Variants in NFIL3 observed in about 807,000 individuals in gnomAD.
The protein encoded by NFIL3 is nuclear factor, interleukin 3 regulated.
A neutral mutation model predicts 10.0 loss-of-function variants in NFIL3; 5 were observed. The observed-to-expected ratio is 0.50, with a 90% confidence interval of 0.26 to 1.06. The LOEUF is 1.06. Among genes scored for constraint, NFIL3 ranks in the 50% least tolerant of loss-of-function variants. The probability of loss-of-function intolerance (pLI) is 0.13; values close to 1 mark genes in which losing one functional copy is unlikely to be tolerated. For missense variants in NFIL3, 436 were observed against 547.6 expected, an observed-to-expected ratio of 0.80 and a Z score of 2.03; for synonymous variants, 202 against 206.5, an observed-to-expected ratio of 0.98 and a Z score of 0.19.
chr9:91,421,865 C>T (rs1239945470), intron 1 of NFIL3, among the ~76,000 whole-genome samples: 1 of 152,192 alleles, frequency 6.6e-6, no homozygotes, highest in Non-Finnish European at 1.5e-5. Flanking sequence ...ATATACATCC[C>T]ATCATATACA....
the NFIL3 span, among the ~76,000 whole-genome samples, chr9:91,466,673 T>C: frequency 1.3e-5 from 2 of 152,188 alleles, no homozygotes; most frequent in African/African-American, 4.8e-5. Flanking sequence ...AAAGGGTTAA[T>C]GCACTTTTGG....
At chr9:91,460,268 G>GTTTTTTTTTT in the NFIL3 span, among the ~76,000 whole-genome samples, 9 of 77,084 alleles carry the variant, frequency 1.2e-4, no homozygotes, top group African/African-American at 9.4e-4. Flanking sequence ...GGAGGGCTTG[G>GTTTTTTTTTT]TTCTTTTTTT....
At chr9:91,471,916 C>T in the NFIL3 span, among the ~76,000 whole-genome samples, 1 of 152,206 alleles carries the variant, frequency 6.6e-6, no homozygotes, top group Non-Finnish European at 1.5e-5. Flanking sequence ...CAAAATCTCT[C>T]AGCATTTGCT....
chr9:91,418,007 G>C (rs1414102191), intron 1 of NFIL3, among the ~76,000 whole-genome samples: 1 of 152,096 alleles, frequency 6.6e-6, no homozygotes, highest in Non-Finnish European at 1.5e-5. Flanking sequence ...TGACAACATT[G>C]CATTTTATTA....
the NFIL3 span, among the ~76,000 whole-genome samples, chr9:91,463,573 G>GCC: frequency 6.6e-6 from 1 of 152,102 alleles, no homozygotes; most frequent in African/African-American, 2.4e-5. Context: ...TCTAAGAATG[G>GCC]CCCGGCACAT....
At chr9:91,424,536 A>G (rs1833845833), upstream of NFIL3, among the ~76,000 whole-genome samples, 1 of 152,148 alleles carries the variant, frequency 6.6e-6, no homozygotes, top group African/African-American at 2.4e-5. Flanking sequence ...GGAGGCAGCG[A>G]TTAAAATGTC....
At chr9:91,445,210 T>G in the NFIL3 span, among the ~76,000 whole-genome samples, 1 of 152,116 alleles carries the variant, frequency 6.6e-6, no homozygotes, top group African/African-American at 2.4e-5. Context: ...AAGGCACAAC[T>G]GCAGTTCAGG....
Position 91,417,603 on chromosome 9 carries a change from C to T in NFIL3, c.-173+6037G>A, listed in dbSNP as rs924682055. On this transcript the variant is annotated intron_variant, in intron 1 of 1. Transcript: ENST00000297689. ...AAAGAATTCACTATACATGTACAACCCAGAGGAAATGGGGAGTGAAAAAAC... is the reference window on the plus strand; with the variant it reads ...AAAGAATTCACTATACATGTACAACTCAGAGGAAATGGGGAGTGAAAAAAC... Among the ~76,000 whole-genome samples the T allele has an allele frequency of 2.6e-5, 4 of 151,982 alleles. No individual in the cohort carries two copies. The East Asian group carries it at 7.7e-4, about 29-fold the overall frequency.
chr9:91,410,984 C>T lies in NFIL3; in HGVS notation c.-172-78G>A. On this transcript the variant is annotated intron_variant, in intron 1 of 1. Coordinates refer to ENST00000297689, the MANE Select transcript of NFIL3 (RefSeq NM_005384.3). This position sits in a 1 kb window ranked among gnomAD's most constrained non-coding sequence, Gnocchi z 5.7. Reference sequence around the variant, plus strand: ...TACAAATTATGTACAAGGAAATATGCTAAGCATTTAGGGCATACAAGCACA... The same window carrying T: ...TACAAATTATGTACAAGGAAATATGTTAAGCATTTAGGGCATACAAGCACA... 3 of 479,150 alleles carry T rather than the reference C, an allele frequency of 6.3e-6. No homozygotes were observed. The Admixed American group carries it at 1.1e-4, about 18-fold the overall frequency. The allele number at this position is 479,150 out of a possible 1,614,324, so 29.7% of individuals were successfully genotyped here.
the NFIL3 span, among the ~76,000 whole-genome samples, chr9:91,443,285 C>T: frequency 2.0e-5 from 3 of 152,218 alleles, no homozygotes; most frequent in Admixed American, 6.5e-5. Flanking sequence ...CATTCCAGTC[C>T]ACAGACTCTA....
At chr9:91,435,763 T>G in the NFIL3 span, among the ~76,000 whole-genome samples, 16 of 152,358 alleles carry the variant, frequency 1.1e-4, no homozygotes, top group African/African-American at 3.8e-4. Context: ...TTATTCCATG[T>G]GCCTACAGCT....
the NFIL3 span, among the ~76,000 whole-genome samples, chr9:91,443,227 G>T: frequency 6.6e-6 from 1 of 152,144 alleles, no homozygotes; most frequent in Non-Finnish European, 1.5e-5. Flanking sequence ...CCTGCTGACT[G>T]GTCCATGGGC....
At chr9:91,479,361 G>C in the NFIL3 span, among the ~76,000 whole-genome samples, 1 of 151,958 alleles carries the variant, frequency 6.6e-6, no homozygotes, top group East Asian at 1.9e-4. Flanking sequence ...GAGGAATCTA[G>C]AGAGGCAGTC....
chr9:91,431,394 A>G, the NFIL3 span, among the ~76,000 whole-genome samples: 3 of 152,144 alleles, frequency 2.0e-5, no homozygotes, highest in African/African-American at 7.2e-5. Flanking sequence ...GTTCCTCTAC[A>G]CAGTAAGAAT....
chr9:91,445,368 G>A, the NFIL3 span, among the ~76,000 whole-genome samples: 1 of 152,200 alleles, frequency 6.6e-6, no homozygotes. Flanking sequence ...CCCAGGAATG[G>A]CCCAGCTGTG....
At chr9:91,474,628 G>A in the NFIL3 span, among the ~76,000 whole-genome samples, 1 of 152,084 alleles carries the variant, frequency 6.6e-6, no homozygotes, top group East Asian at 1.9e-4. Context: ...CTTATGTGCT[G>A]GGCTAGACTG....
intron 1 of NFIL3, 123 bp downstream of exon 1, chr9:91,423,517 G>C (rs1304361927): frequency 1.3e-5 from 2 of 151,264 alleles, no homozygotes; most frequent in Admixed American, 6.6e-5. Flanking sequence ...CGCCGCTGGC[G>C]AGCCCAGCTT....
At chr9:91,413,206 T>G (rs765111762) in intron 1 of NFIL3, among the ~76,000 whole-genome samples, 1 of 152,112 alleles carries the variant, frequency 6.6e-6, no homozygotes, top group Non-Finnish European at 1.5e-5. Context: ...TCAGCAGTGA[T>G]GTTGCAGAGA....
the NFIL3 span, among the ~76,000 whole-genome samples, chr9:91,471,756 C>T: frequency 6.6e-5 from 10 of 152,044 alleles, no homozygotes; most frequent in African/African-American, 2.4e-4. Context: ...ACAATGTTAG[C>T]TTGTTATTTT....
Sources: gnomAD v4.1 joint callset for allele counts (sites outside exome capture counted in the v4.1 genomes callset) on GRCh38, gnomAD v4.1.1 for gene constraint, Gnocchi (gnomAD v3.1) non-coding constraint, MANE v1.5 for transcripts, NCBI Gene and HGNC (gene_info 2026-07-23, HGNC 2026-07-21) for gene names.